Variants in PRUNE2 observed in about 807,000 individuals in gnomAD.
The protein encoded by PRUNE2 is protein prune homolog 2.
In PRUNE2, 164 loss-of-function variants were observed where a neutral mutation model predicts 252.0. The observed-to-expected ratio is 0.65, with a 90% CI of 0.57 to 0.74. PRUNE2 has a LOEUF of 0.74. Among genes scored for constraint, PRUNE2 ranks in the 30% least tolerant of loss-of-function variants. The pLI is 0.00. For missense variants in PRUNE2, 3,495 were observed against 3,711.0 expected (o/e 0.94, Z 1.51); for synonymous variants, 1,292 against 1,350.2 (o/e 0.96, Z 0.94).
chr9:76,746,115 T>C (rs1174381616), intron 6 of PRUNE2, among the ~76,000 whole-genome samples: 1 of 152,116 alleles, frequency 6.6e-6, no homozygotes, highest in African/African-American at 2.4e-5. Flanking sequence ...TATTGTGAAG[T>C]ATGTGTGGTC....
chr9:76,619,021 TCATTCA>T (rs1184689751), intron 18 of PRUNE2, among the ~76,000 whole-genome samples: 1 of 152,222 alleles, frequency 6.6e-6, no homozygotes, highest in Non-Finnish European at 1.5e-5. Context: ...AGAGATGATG[TCATTCA>T]GAAAGCAGAA....
Position 76,670,156 on chromosome 9 carries a change from G to A in PRUNE2, c.8277-14654C>T, listed in dbSNP as rs552631974. Among the ~76,000 whole-genome samples, 12 of 152,314 alleles carry A rather than the reference G, an allele frequency of 7.9e-5. No individual in the cohort carries two copies. The East Asian group carries it at 1.9e-3, about 25-fold the overall frequency. On this transcript the variant is annotated intron_variant, in intron 9 of 18. Transcript: ENST00000376718. ...CTGAGGTACTGGGTTCATCTCACTA[G>A]GGAGTGCCAGACAGTGGGCACAGGT...
At chr9:76,743,213 T>C (rs1412800966) in intron 6 of PRUNE2, among the ~76,000 whole-genome samples, 2 of 152,224 alleles carry the variant, frequency 1.3e-5, no homozygotes, top group Non-Finnish European at 1.5e-5. Context: ...CTTTCCTTTA[T>C]AAATTACCCA....
In PRUNE2 at chr9:76,710,576, A is replaced by C. The variant is rs1472378714; in HGVS notation, c.1698T>G (p.His566Gln). The change falls in exon 8 of 19, where the codon CAT becomes CAG. Residue 566 changes from histidine to glutamine, a missense_variant. Coordinates refer to ENST00000376718, the MANE Select transcript of PRUNE2 (RefSeq NM_015225.3). ...CTTGTCTCTGGACAAACTCCTCATCATGTTCCACAAGGCTATCTTTGCCAG... is the reference window on the plus strand; with the variant it reads ...CTTGTCTCTGGACAAACTCCTCATCCTGTTCCACAAGGCTATCTTTGCCAG... ...SGAGKDSLVEHDEEFVQRQDS... is the reference protein window; with the variant it reads ...SGAGKDSLVEQDEEFVQRQDS... 4.3e-6 allele frequency: 7 copies of C among 1,613,836 alleles called. No homozygotes were observed. Among genetic ancestry groups the C allele is most frequent in the Non-Finnish European group, 3.4e-6 (4 of 1,179,816 alleles).
chr9:76,752,653 C>A (rs990470845), intron 6 of PRUNE2, among the ~76,000 whole-genome samples: 1 of 152,148 alleles, frequency 6.6e-6, no homozygotes, highest in South Asian at 2.1e-4. Flanking sequence ...CAGCAGGCAA[C>A]GCTCTGAGCA....
chr9:76,845,447 A>G (rs913123598), intron 4 of PRUNE2, among the ~76,000 whole-genome samples: 1 of 152,168 alleles, frequency 6.6e-6, no homozygotes, highest in Non-Finnish European at 1.5e-5. Context: ...CACAAAGATA[A>G]ATGGTTGTGC....
At chr9:76,746,658 T>C (rs1266394930) in intron 6 of PRUNE2, among the ~76,000 whole-genome samples, 1 of 137,152 alleles carries the variant, frequency 7.3e-6, no homozygotes, top group Non-Finnish European at 1.5e-5. Flanking sequence ...TGAGCCGAGA[T>C]TGCGCCACTG....
chr9:76,761,099 A>AAAC (rs2051680665), intron 6 of PRUNE2, among the ~76,000 whole-genome samples: 1 of 151,388 alleles, frequency 6.6e-6, no homozygotes, highest in Non-Finnish European at 1.5e-5. Flanking sequence ...AAAAAAAAAA[A>AAAC]AAAAATACTC....
chr9:76,713,813 A>T, intron 6 of PRUNE2, 92 bp from the exon 7 acceptor site: 3 of 804,952 alleles, frequency 3.7e-6, no homozygotes, highest in Non-Finnish European at 3.8e-6. Context: ...TGATGTATTT[A>T]GGAGAGATAT....
At chr9:76,796,034 C>T (rs1455943106) in intron 6 of PRUNE2, among the ~76,000 whole-genome samples, 1 of 152,138 alleles carries the variant, frequency 6.6e-6, no homozygotes, top group Non-Finnish European at 1.5e-5. Flanking sequence ...TCACAGGTGC[C>T]TCATTTCAAA....
intron 4 of PRUNE2, among the ~76,000 whole-genome samples, chr9:76,836,851 A>G (rs1015136901): frequency 6.6e-6 from 1 of 152,210 alleles, no homozygotes; most frequent in Non-Finnish European, 1.5e-5. Flanking sequence ...CATTATTAGA[A>G]AAACACAAGC....
chr9:76,637,017 T>A (rs535181031), intron 14 of PRUNE2, among the ~76,000 whole-genome samples: 1 of 104,842 alleles, frequency 9.5e-6, no homozygotes, highest in African/African-American at 3.4e-5. Flanking sequence ...GTGTATAATT[T>A]TAGGGAGTTC....
At chr9:76,790,488 C>T (rs1159739400) in intron 6 of PRUNE2, among the ~76,000 whole-genome samples, 2 of 152,174 alleles carry the variant, frequency 1.3e-5, no homozygotes, top group Non-Finnish European at 2.9e-5. Flanking sequence ...AAAACTGCTA[C>T]TCTCCCTCTC....
chr9:76,798,163 C>T (rs2056266754), intron 6 of PRUNE2, among the ~76,000 whole-genome samples: 1 of 151,944 alleles, frequency 6.6e-6, no homozygotes. Flanking sequence ...TAAAATTTAC[C>T]ATCTTAACCA....
At chr9:76,639,289 C>T (rs998739092) in intron 12 of PRUNE2, among the ~76,000 whole-genome samples, 3 of 152,068 alleles carry the variant, frequency 2.0e-5, no homozygotes, top group African/African-American at 7.2e-5. Flanking sequence ...GCCAGGAGTT[C>T]GAGACCACCC....
chr9:76,838,770 C>A (rs763199496), intron 4 of PRUNE2, among the ~76,000 whole-genome samples: 1 of 151,378 alleles, frequency 6.6e-6, no homozygotes, highest in Non-Finnish European at 1.5e-5. Flanking sequence ...AATGGGAATA[C>A]CAGTTAACGC....
intron 1 of PRUNE2, among the ~76,000 whole-genome samples, chr9:76,882,300 T>C (rs2061835733): frequency 6.6e-6 from 1 of 152,210 alleles, no homozygotes; most frequent in Admixed American, 6.5e-5. Context: ...ATATGATGAT[T>C]ATAATTACCA....
chr9:76,795,437 C>T (rs1374493837), intron 6 of PRUNE2, among the ~76,000 whole-genome samples: 1 of 152,154 alleles, frequency 6.6e-6, no homozygotes, highest in African/African-American at 2.4e-5. Context: ...TCTGTGAATC[C>T]CATCTTAGCA....
At chr9:76,757,038 T>A (rs1380591951) in intron 6 of PRUNE2, among the ~76,000 whole-genome samples, 1 of 152,212 alleles carries the variant, frequency 6.6e-6, no homozygotes, top group African/African-American at 2.4e-5. Context: ...TGCATCAAAT[T>A]CAAACAGGCC....
Sources: gnomAD v4.1 joint callset for allele counts (sites outside exome capture counted in the v4.1 genomes callset) on GRCh38, gnomAD v4.1.1 for gene constraint, MANE v1.5 for transcripts, NCBI Gene and HGNC (gene_info 2026-07-23, HGNC 2026-07-21) for gene names.